FAF1: variants seen among roughly 807,000 people sequenced by gnomAD.
The protein encoded by FAF1 is Fas associated factor 1, also known as FAS-associated factor 1.
In FAF1, 25 loss-of-function variants were observed where a neutral mutation model predicts 92.5. That is an observed-to-expected ratio of 0.27 (90% CI 0.20 to 0.38). The LOEUF is 0.38. Among genes scored for constraint, FAF1 ranks in the 10% least tolerant of loss-of-function variants. The pLI is 1.00. For missense variants in FAF1, 636 were observed against 793.3 expected, an observed-to-expected ratio of 0.80 and a Z score of 2.38; for synonymous variants, 234 against 273.2, an observed-to-expected ratio of 0.86 and a Z score of 1.42.
intron 6 of FAF1, among the ~76,000 whole-genome samples, chr1:50,728,242 G>C (rs907249402): frequency 1.3e-5 from 2 of 152,094 alleles, no homozygotes; most frequent in East Asian, 1.9e-4. Flanking sequence ...TTGAGTAGAG[G>C]CCTAAATAAA....
chr1:50,906,120 A>G (rs1403060386), intron 1 of FAF1, among the ~76,000 whole-genome samples: 1 of 152,162 alleles, frequency 6.6e-6, no homozygotes, highest in Admixed American at 6.5e-5. Context: ...TCCCAGCACC[A>G]TTTATTAAAT....
chr1:50,815,240 T>C (rs1643955874), intron 2 of FAF1, among the ~76,000 whole-genome samples: 1 of 152,052 alleles, frequency 6.6e-6, no homozygotes, highest in South Asian at 2.1e-4. Flanking sequence ...CTCCCCTCTC[T>C]CCCCTCTAGT....
intron 6 of FAF1, among the ~76,000 whole-genome samples, chr1:50,722,119 C>T (rs182055655): frequency 1.3e-5 from 2 of 152,328 alleles, no homozygotes; most frequent in African/African-American, 4.8e-5. Context: ...GAGTCCCCCA[C>T]TGGCAATTGC....
intron 7 of FAF1, among the ~76,000 whole-genome samples, 153 bp from the exon 8 acceptor site, chr1:50,655,681 T>TA (rs1655074899): frequency 1.3e-5 from 2 of 152,128 alleles, no homozygotes; most frequent in Admixed American, 1.3e-4. Flanking sequence ...AAAAATTTTG[T>TA]AAAAAAGAAC....
At chr1:50,926,592 A>C (rs1290097113) in intron 1 of FAF1, among the ~76,000 whole-genome samples, 2 of 146,864 alleles carry the variant, frequency 1.4e-5, no homozygotes, top group Admixed American at 1.4e-4. Flanking sequence ...TGTTCTCAAC[A>C]AAAAAAAAAA....
chr1:50,610,261 C>T (rs773490011), intron 8 of FAF1, among the ~76,000 whole-genome samples: 10 of 152,098 alleles, frequency 6.6e-5, no homozygotes, highest in Non-Finnish European at 8.8e-5. Context: ...GAATACCTCT[C>T]AAAGAAACTG....
intron 1 of FAF1, among the ~76,000 whole-genome samples, chr1:50,920,718 C>T (rs1024431401): frequency 5.9e-5 from 9 of 152,102 alleles, no homozygotes; most frequent in African/African-American, 2.2e-4. Flanking sequence ...AATAAACATT[C>T]ATAATAAAAA....
At chr1:50,525,185 C>T (rs2149031988) in intron 15 of FAF1, among the ~76,000 whole-genome samples, 1 of 152,254 alleles carries the variant, frequency 6.6e-6, no homozygotes, top group African/African-American at 2.4e-5. Flanking sequence ...TGTGCCTGGC[C>T]CCCATATGTA....
At chr1:50,804,816 A>C (rs375687331) in intron 2 of FAF1, among the ~76,000 whole-genome samples, 3 of 152,184 alleles carry the variant, frequency 2.0e-5, no homozygotes, top group East Asian at 3.9e-4. Context: ...GATAAAATTG[A>C]AAGTTTGGTT....
intron 18 of FAF1, among the ~76,000 whole-genome samples, chr1:50,468,471 T>G (rs1646528264): frequency 1.3e-5 from 2 of 150,508 alleles, no homozygotes; most frequent in South Asian, 4.2e-4. Context: ...TTTTTTTTTT[T>G]TTTTTTGAGA....
chr1:50,827,452 C>G (rs1221537268), intron 2 of FAF1, among the ~76,000 whole-genome samples: 4 of 152,058 alleles, frequency 2.6e-5, no homozygotes, highest in Non-Finnish European at 5.9e-5. Context: ...AGAGTCATCA[C>G]CACTCCCTAA....
intron 2 of FAF1, among the ~76,000 whole-genome samples, chr1:50,816,410 T>C (rs1026904486): frequency 6.6e-6 from 1 of 152,036 alleles, no homozygotes; most frequent in African/African-American, 2.4e-5. Flanking sequence ...TTCACCGTGT[T>C]AGCCAGGATG....
chr1:50,773,036 A>G (rs1243966393), intron 4 of FAF1, among the ~76,000 whole-genome samples: 1 of 152,212 alleles, frequency 6.6e-6, no homozygotes, highest in African/African-American at 2.4e-5. Context: ...CATTAATTGA[A>G]AGATGTAACT....
At chr1:50,531,673 T>C (rs970955885) in intron 15 of FAF1, among the ~76,000 whole-genome samples, 1 of 152,070 alleles carries the variant, frequency 6.6e-6, no homozygotes, top group Non-Finnish European at 1.5e-5. Flanking sequence ...CTAATGAAAA[T>C]GTCTAAGAGA....
At chr1:50,905,512 G>A (rs1303293275) in intron 1 of FAF1, among the ~76,000 whole-genome samples, 2 of 152,130 alleles carry the variant, frequency 1.3e-5, no homozygotes, top group Non-Finnish European at 2.9e-5. Flanking sequence ...CAGTGTAAAA[G>A]TATTCCTATT....
chr1:50,863,968 T>C (rs374529349), intron 1 of FAF1, among the ~76,000 whole-genome samples: 2 of 152,074 alleles, frequency 1.3e-5, no homozygotes, highest in Admixed American at 6.6e-5. Context: ...CCATTTCTTC[T>C]AGATTTTCTA....
intron 2 of FAF1, among the ~76,000 whole-genome samples, chr1:50,836,731 C>T (rs1486904805): frequency 5.3e-5 from 8 of 151,954 alleles, no homozygotes; most frequent in Non-Finnish European, 1.2e-4. Context: ...TATTATGTGT[C>T]AATTAAAAAT....
At chr1:50,513,251 G>A (rs544125459) in intron 15 of FAF1, among the ~76,000 whole-genome samples, 4 of 152,264 alleles carry the variant, frequency 2.6e-5, no homozygotes, top group South Asian at 2.1e-4. Flanking sequence ...AGGCCAAGGC[G>A]GGCAGATTGC....
chr1:50,573,392 C>T (rs1364650570), intron 12 of FAF1, among the ~76,000 whole-genome samples: 4 of 152,092 alleles, frequency 2.6e-5, no homozygotes, highest in Non-Finnish European at 5.9e-5. Flanking sequence ...AGCCACTGTG[C>T]CTGGCCTGAA....
Sources: allele counts gnomAD v4.1 joint callset (sites outside exome capture counted in the v4.1 genomes callset), GRCh38; gene constraint gnomAD v4.1.1; transcripts MANE v1.5; gene names NCBI Gene and HGNC (gene_info 2026-07-23, HGNC 2026-07-21).